Variants in SMURF1 observed in about 807,000 individuals in gnomAD.
The protein encoded by SMURF1 is SMAD specific E3 ubiquitin protein ligase 1, also known as E3 ubiquitin-protein ligase SMURF1.
Under a neutral mutation model 98.0 loss-of-function variants are expected in SMURF1, and 44 were observed. That is an observed-to-expected ratio of 0.45 (90% CI 0.35 to 0.58). The LOEUF (loss-of-function observed/expected upper bound fraction) is 0.58, where lower values mean the gene tolerates loss of function less well. Ranked by LOEUF, SMURF1 falls within the 20% of genes least tolerant of loss-of-function variation. The pLI is 0.00. For synonymous variants in SMURF1, 396 were observed against 374.9 expected, an observed-to-expected ratio of 1.06 and a Z score of -0.65; for missense variants, 687 against 938.4, an observed-to-expected ratio of 0.73 and a Z score of 3.50.
chr7:99,054,954 T>G, intron 5 of SMURF1, 89 bp from the exon 6 acceptor site: 3 of 1,188,976 alleles, frequency 2.5e-6, no homozygotes, highest in Admixed American at 3.5e-5. Flanking sequence ...AGAATTTATG[T>G]ACAATATCAT....
chr7:99,072,274 C>T (rs201851418), intron 1 of SMURF1, among the ~76,000 whole-genome samples: 2 of 152,184 alleles, frequency 1.3e-5, no homozygotes, highest in Admixed American at 6.5e-5. Flanking sequence ...CCTTCTGCCT[C>T]AGCCTCCCGG....
intron 1 of SMURF1, among the ~76,000 whole-genome samples, chr7:99,136,882 C>T (rs1798004790): frequency 6.6e-6 from 1 of 152,112 alleles, no homozygotes; most frequent in Non-Finnish European, 1.5e-5. Context: ...CCCAAGAAGT[C>T]GAGGCTGCAG....
intron 1 of SMURF1, among the ~76,000 whole-genome samples, chr7:99,064,093 C>CA (rs2150547874): frequency 6.6e-6 from 1 of 152,292 alleles, no homozygotes; most frequent in Non-Finnish European, 1.5e-5. Context: ...AGTTGTTAAA[C>CA]CAACCCTGCA....
At chr7:99,112,747 G>A (rs1271842070) in intron 1 of SMURF1, among the ~76,000 whole-genome samples, 1 of 151,910 alleles carries the variant, frequency 6.6e-6, no homozygotes, top group African/African-American at 2.4e-5. Context: ...ACAAAAGCCA[G>A]GTCTAAAGAA....
At chr7:99,128,257 G>T (rs1797788962) in intron 1 of SMURF1, among the ~76,000 whole-genome samples, 1 of 152,198 alleles carries the variant, frequency 6.6e-6, no homozygotes, top group African/African-American at 2.4e-5. Context: ...TGGCTCATCT[G>T]TTCTCATGTG....
chr7:99,104,289 T>C (rs1002333244), intron 1 of SMURF1, among the ~76,000 whole-genome samples: 1 of 152,210 alleles, frequency 6.6e-6, no homozygotes, highest in Non-Finnish European at 1.5e-5. Context: ...CATATGCTCA[T>C]AGAAATCAGA....
chr7:99,128,106 T>G (rs1035832675), intron 1 of SMURF1, among the ~76,000 whole-genome samples: 1 of 152,212 alleles, frequency 6.6e-6, no homozygotes, highest in East Asian at 1.9e-4. Flanking sequence ...TATCGCTGTT[T>G]CAGAATGCAT....
intron 1 of SMURF1, among the ~76,000 whole-genome samples, chr7:99,140,281 C>CT (rs11421940): frequency 0.58 from 49,539 of 86,066 alleles, 15,579 homozygotes; most frequent in East Asian, 0.79. Flanking sequence ...CTTCAGTATC[C>CT]TTTTTTTTTT....
intron 16 of SMURF1, among the ~76,000 whole-genome samples, chr7:99,034,491 ACCT>A (rs903985872): frequency 2.6e-5 from 4 of 151,544 alleles, no homozygotes; most frequent in African/African-American, 9.7e-5. Flanking sequence ...CCCCACTCAC[ACCT>A]CCTGTTTTTT....
At chr7:99,063,237 TTATTTA>T (rs1796081619) in intron 1 of SMURF1, among the ~76,000 whole-genome samples, 1 of 76,914 alleles carries the variant, frequency 1.3e-5, no homozygotes, top group Non-Finnish European at 2.3e-5. Flanking sequence ...TATATAAGAT[TTATTTA>T]TATATATATA....
chr7:99,099,089 T>G (rs1455971425), intron 1 of SMURF1, among the ~76,000 whole-genome samples: 2 of 152,178 alleles, frequency 1.3e-5, no homozygotes, highest in Non-Finnish European at 2.9e-5. Context: ...GAAATGTGTT[T>G]CTATGGAAGG....
At chr7:99,072,112 A>G (rs888830617) in intron 1 of SMURF1, among the ~76,000 whole-genome samples, 34 of 148,708 alleles carry the variant, frequency 2.3e-4, no homozygotes, top group East Asian at 5.9e-4. Flanking sequence ...AGAAGAAAGG[A>G]AAAAAAAAAG....
chr7:99,098,722 A>C (rs1310320042), intron 1 of SMURF1, among the ~76,000 whole-genome samples: 1 of 152,142 alleles, frequency 6.6e-6, no homozygotes, highest in Admixed American at 6.5e-5. Context: ...ATGTCTGGTC[A>C]AGGGAAACTG....
intron 1 of SMURF1, among the ~76,000 whole-genome samples, chr7:99,119,584 C>T (rs1281206843): frequency 6.6e-6 from 1 of 152,096 alleles, no homozygotes; most frequent in African/African-American, 2.4e-5. Context: ...CAGTACAATG[C>T]ATCATAATAG....
chr7:99,141,655 A>G (rs1435599982), intron 1 of SMURF1, among the ~76,000 whole-genome samples: 3 of 152,198 alleles, frequency 2.0e-5, no homozygotes, highest in African/African-American at 4.8e-5. Flanking sequence ...TCATTATTTG[A>G]TATCTTTATA....
intron 1 of SMURF1, among the ~76,000 whole-genome samples, chr7:99,122,384 C>T (rs1011808860): frequency 1.3e-5 from 2 of 151,492 alleles, no homozygotes; most frequent in African/African-American, 4.9e-5. Flanking sequence ...TGGCTCACAC[C>T]TGTAATCTCA....
intron 8 of SMURF1, chr7:99,050,969 C>G: frequency 6.4e-7 from 1 of 1,551,368 alleles, no homozygotes; most frequent in Non-Finnish European, 8.7e-7. Flanking sequence ...AGCTGCATCT[C>G]CCCCAGGAAT....
chr7:99,082,056 G>C (rs551317515), intron 1 of SMURF1, among the ~76,000 whole-genome samples: 1 of 152,158 alleles, frequency 6.6e-6, no homozygotes, highest in Non-Finnish European at 1.5e-5. Context: ...ATCTTTTCAT[G>C]GGCTTATTGG....
intron 3 of SMURF1, among the ~76,000 whole-genome samples, chr7:99,059,428 A>G: frequency 7.8e-6 from 1 of 128,210 alleles, no homozygotes; most frequent in Non-Finnish European, 1.8e-5. Context: ...AAAATAAAAT[A>G]AAATAAAATA....
Sources: allele counts gnomAD v4.1 joint callset (sites outside exome capture counted in the v4.1 genomes callset), GRCh38; gene constraint gnomAD v4.1.1; transcripts MANE v1.5; gene names NCBI Gene and HGNC (gene_info 2026-07-23, HGNC 2026-07-21).